Variants in PDXDC1 observed in about 807,000 individuals in gnomAD.
The protein encoded by PDXDC1 is pyridoxal-dependent decarboxylase domain-containing protein 1.
In PDXDC1, 42 loss-of-function variants were observed where a neutral mutation model predicts 100.1. The observed-to-expected ratio is 0.42, with a 90% CI of 0.33 to 0.54. The LOEUF (loss-of-function observed/expected upper bound fraction) is 0.54, where lower values mean the gene tolerates loss of function less well. Among genes scored for constraint, PDXDC1 ranks in the 20% least tolerant of loss-of-function variants. PDXDC1 has a pLI of 0.10. For missense variants in PDXDC1, 636 were observed against 979.2 expected (o/e 0.65, Z 4.68); for synonymous variants, 260 against 371.7 (o/e 0.70, Z 3.46).
chr16:15,104,635 T>C (rs1567253159), intron 16 of PDXDC1: 4 of 1,598,340 alleles, frequency 2.5e-6, no homozygotes, highest in African/African-American at 1.3e-5. Context: ...TTATCAGTTA[T>C]AGAATGTTGT....
intron 8 of PDXDC1, among the ~76,000 whole-genome samples, chr16:15,013,011 A>G (rs1257372024): frequency 6.6e-6 from 1 of 152,374 alleles, no homozygotes; most frequent in African/African-American, 2.4e-5. Flanking sequence ...TCCACTAAAA[A>G]TACAAAAAAA....
intron 16 of PDXDC1, chr16:15,135,723 A>G: frequency 3.8e-6 from 6 of 1,595,092 alleles, no homozygotes; most frequent in Non-Finnish European, 5.1e-6. Context: ...GGGTCGTAGG[A>G]CTCGCTCCCA....
chr16:15,150,225 A>G, the PDXDC1 span, among the ~76,000 whole-genome samples: 6 of 152,070 alleles, frequency 3.9e-5, no homozygotes, highest in East Asian at 1.2e-3. Flanking sequence ...GCACCAGTCC[A>G]GGCTACTCAG....
chr16:15,028,987 C>G (rs572856146), intron 15 of PDXDC1, 21 bp downstream of exon 15: 2 of 1,607,940 alleles, frequency 1.2e-6, no homozygotes, highest in East Asian at 2.2e-5. Flanking sequence ...CAGTCACCCC[C>G]CTTTCCTTTC....
chr16:15,016,668 G>A (rs1243136038), intron 9 of PDXDC1, among the ~76,000 whole-genome samples: 1 of 152,292 alleles, frequency 6.6e-6, no homozygotes, highest in Non-Finnish European at 1.5e-5. Flanking sequence ...CTCTGGAGCA[G>A]ATAGTGGTGT....
At chr16:15,022,788 T>G in intron 13 of PDXDC1, 34 bp downstream of exon 13, 1 of 1,541,678 alleles carries the variant, frequency 6.5e-7, no homozygotes, top group Non-Finnish European at 8.9e-7. Context: ...TTTCAAAATA[T>G]AACTTTTTTT....
In PDXDC1 at chr16:15,032,668, A is replaced by AAAAAAAAAAAAAAAAAAAAAAG. The variant is rs57542228; in HGVS notation, c.1572-192_1572-191insAAAAAAAAAAAAAAAAAAAAGA. Reference sequence around the variant, plus strand: ...GACCCTGCTTTAAAAAAAAAAAAAAAAGGCTTTCCTGTGACTTTCTCTTTA... The same window carrying AAAAAAAAAAAAAAAAAAAAAAG: ...GACCCTGCTTTAAAAAAAAAAAAAAAAAAAAAAAAAAAAAAAAAAAAGAGGCTTTCCTGTGACTTTCTCTTTA... On this transcript the variant is annotated intron_variant, in intron 17 of 22. Transcript: ENST00000396410. The AAAAAAAAAAAAAAAAAAAAAAG allele has an allele frequency of 1.9e-4, 71 of 380,174 alleles. 5 individuals are homozygous for AAAAAAAAAAAAAAAAAAAAAAG. The highest frequency in any genetic ancestry group is 3.8e-4 in the African/African-American group (17 of 44,952). The allele number at this position is 380,174 out of a possible 1,614,324, so 23.6% of individuals were successfully genotyped here. A position where few individuals can be genotyped will look rare whatever the true frequency, so the allele number is the denominator to read the frequency against.
chr16:15,074,577 T>C (rs955129764), intron 16 of PDXDC1: 40 of 499,966 alleles, frequency 8.0e-5, no homozygotes, highest in African/African-American at 4.2e-4. Flanking sequence ...GGCAAGTAAC[T>C]TGACCTCTTT....
chr16:15,028,863 G>C lies in PDXDC1; in HGVS notation c.1205-15G>C. 1.2e-6 allele frequency: 2 copies of C among 1,612,014 alleles called. No individual in the cohort carries two copies. Among genetic ancestry groups the C allele is most frequent in the African/African-American group, 1.3e-5 (1 of 75,040 alleles). On this transcript the variant is annotated splice_polypyrimidine_tract_variant and intron_variant, in intron 14 of 22. Transcript: ENST00000396410. ...TGTTTCTGGGAGTGACTCCCTTTCTGTGTTTTGGTGTCAGATCCGGTGTTT... is the reference window on the plus strand; with the variant it reads ...TGTTTCTGGGAGTGACTCCCTTTCTCTGTTTTGGTGTCAGATCCGGTGTTT...
intron 16 of PDXDC1, chr16:15,125,876 C>T (rs1429443080): frequency 6.5e-6 from 5 of 766,812 alleles, no homozygotes; most frequent in Middle Eastern, 3.5e-4. Context: ...GAGAAGCCAC[C>T]TCCTCAGCAG....
At chr16:15,093,465 C>A (rs575435913) in intron 16 of PDXDC1, among the ~76,000 whole-genome samples, 1 of 152,196 alleles carries the variant, frequency 6.6e-6, no homozygotes, top group Non-Finnish European at 1.5e-5. Flanking sequence ...GCCTTTCCCC[C>A]CTATGCTGTA....
At position 15,031,819 on chromosome 16, in the gene PDXDC1, T is replaced by C. The variant is rs1055965952; in HGVS notation, c.1484T>C (p.Leu495Ser). The C allele has an allele frequency of 3.7e-6, 6 of 1,613,920 alleles. No homozygotes were observed. In the African/African-American group the frequency reaches 6.7e-5, roughly 18 times the overall value. The change falls in exon 17 of 23, where the codon TTG (leucine) becomes TCG (serine). Residue 495 changes from leucine to serine, a missense_variant. Leu to Ser is a moderately radical substitution (Grantham distance 145). This residue lies in a region of PDXDC1 where 452 missense variants were observed against 402.9 expected (regional missense o/e 1.12). Coordinates refer to ENST00000396410, the MANE Select transcript of PDXDC1 (RefSeq NM_015027.4). ...KLPVLCCTLQLREEFKQEVEA... is the reference protein window; with the variant it reads ...KLPVLCCTLQSREEFKQEVEA... ...CCAGTGCTGTGCTGTACGCTCCAGT[T>C]GCGTGAAGAGTTCAAGCAGGAAGTG...
At chr16:15,148,502 T>G in the PDXDC1 span, among the ~76,000 whole-genome samples, 4 of 149,024 alleles carry the variant, frequency 2.7e-5, no homozygotes, top group Non-Finnish European at 5.9e-5. Flanking sequence ...CCCACCTCAG[T>G]CTCTTGAATA....
chr16:15,128,846 C>A (rs1336091048), intron 16 of PDXDC1, among the ~76,000 whole-genome samples: 1 of 149,978 alleles, frequency 6.7e-6, no homozygotes, highest in African/African-American at 2.5e-5. Flanking sequence ...TGCTGTGTCA[C>A]CCAGGCTGGA....
At chr16:15,097,001 C>CTCA (rs1336609626) in intron 16 of PDXDC1, among the ~76,000 whole-genome samples, 5 of 152,164 alleles carry the variant, frequency 3.3e-5, no homozygotes, top group African/African-American at 1.2e-4. Context: ...GTGACTCACA[C>CTCA]CTGTAATGCC....
At chr16:15,077,409 GA>G (rs1245004813) in intron 16 of PDXDC1, among the ~76,000 whole-genome samples, 1 of 152,036 alleles carries the variant, frequency 6.6e-6, no homozygotes, top group African/African-American at 2.4e-5. Flanking sequence ...TAAGTCTCAA[GA>G]GATCTGATGG....
chr16:15,097,158 T>G lies in PDXDC1; in HGVS notation c.1400-41721T>G, dbSNP rs184542297. On this transcript the variant is annotated intron_variant, in intron 16 of 16. Coordinates refer to the PDXDC1 transcript ENST00000535621. The stretch of plus-strand genomic sequence containing the variant: ...TGGCACGTGCCTGTAGTTCCAATTA[T>G]TTGGGAGACAGAGGTGGGAGAATCA... Among the ~76,000 whole-genome samples, 840 of 151,746 alleles carry G rather than the reference T, an allele frequency of 5.5e-3. 5 individuals are homozygous for G. The highest frequency in any genetic ancestry group is 9.8e-3 in the Non-Finnish European group (664 of 67,906).
At chr16:15,123,676 C>T (rs923773726) in intron 16 of PDXDC1, among the ~76,000 whole-genome samples, 2 of 123,500 alleles carry the variant, frequency 1.6e-5, no homozygotes, top group African/African-American at 6.2e-5. Context: ...TATTTGAGAG[C>T]AATCAAATCA....
downstream of PDXDC1, among the ~76,000 whole-genome samples, chr16:15,042,499 A>G (rs1272538267): frequency 6.6e-6 from 1 of 151,984 alleles, no homozygotes; most frequent in African/African-American, 2.4e-5. Context: ...CGACAATTTT[A>G]TATCCTGATT....
Sources: allele counts gnomAD v4.1 joint callset (sites outside exome capture counted in the v4.1 genomes callset), GRCh38; gene constraint gnomAD v4.1.1; regional missense constraint gnomAD v4.1.1; transcripts MANE v1.5; gene names NCBI Gene and HGNC (gene_info 2026-07-23, HGNC 2026-07-21).